Variants in ACTR3 observed in about 807,000 individuals in gnomAD.
ACTR3 encodes the protein actin-related protein 3.
In ACTR3, 12 loss-of-function variants were observed where a neutral mutation model predicts 56.8. The ratio of observed to expected loss-of-function variants is 0.21; its 90% confidence interval spans 0.14 to 0.34. ACTR3 has a LOEUF of 0.34. Among genes scored for constraint, ACTR3 ranks in the 10% least tolerant of loss-of-function variants. ACTR3 has a pLI of 1.00. For synonymous variants in ACTR3, 162 were observed against 167.4 expected, an observed-to-expected ratio of 0.97 and a Z score of 0.25; for missense variants, 282 against 512.5, an observed-to-expected ratio of 0.55 and a Z score of 4.34.
At chr2:113,901,323 A>C (rs933030516) in intron 1 of ACTR3, among the ~76,000 whole-genome samples, 4 of 152,234 alleles carry the variant, frequency 2.6e-5, no homozygotes, top group African/African-American at 9.6e-5. Flanking sequence ...GCGCTGTCGC[A>C]CTTCAGCCTG....
rs772589226 is a variant in ACTR3 at position 113,957,481 on chromosome 2, A to G, written c.*26A>G. 1 of 1,579,224 alleles carries G rather than the reference A, an allele frequency of 6.3e-7. No individual in the cohort carries two copies. The highest frequency in any genetic ancestry group is 8.7e-7 in the Non-Finnish European group (1 of 1,149,026). Reference sequence around the variant, plus strand: ...AATTGGCTTCATAGTTATTGGGGTTAGGGAGGTGGGGAAGAGATAATCTTT... The same window carrying G: ...AATTGGCTTCATAGTTATTGGGGTTGGGGAGGTGGGGAAGAGATAATCTTT... On this transcript the variant is annotated 3_prime_UTR_variant, in exon 12 of 12. Transcript: ENST00000263238.
At chr2:113,938,646 G>A (rs1243828509) in intron 6 of ACTR3, among the ~76,000 whole-genome samples, 1 of 152,148 alleles carries the variant, frequency 6.6e-6, no homozygotes, top group East Asian at 1.9e-4. Context: ...CTGGCTATGT[G>A]TGAGCTCTGG....
chr2:113,918,909 A>G (rs1458747795), intron 3 of ACTR3, among the ~76,000 whole-genome samples: 1 of 152,236 alleles, frequency 6.6e-6, no homozygotes, highest in African/African-American at 2.4e-5. Context: ...TAGTGACGGC[A>G]GTGGGGATAG....
intron 7 of ACTR3, among the ~76,000 whole-genome samples, chr2:113,941,700 A>G (rs1318039916): frequency 6.6e-6 from 1 of 152,154 alleles, no homozygotes; most frequent in African/African-American, 2.4e-5. Context: ...AGAGTAATTT[A>G]TATTTTTAGC....
At chr2:113,901,070 A>G (rs1457384141) in intron 1 of ACTR3, among the ~76,000 whole-genome samples, 1 of 152,248 alleles carries the variant, frequency 6.6e-6, no homozygotes, top group Non-Finnish European at 1.5e-5. Context: ...CTGTAATCCC[A>G]GCACTTTGGG....
upstream of ACTR3, chr2:113,890,035 A>AG: frequency 1.7e-6 from 1 of 571,942 alleles, no homozygotes; most frequent in Non-Finnish European, 3.1e-6. Context: ...AGGAGGGAAG[A>AG]GAGAGGGGGA....
intron 2 of ACTR3, among the ~76,000 whole-genome samples, chr2:113,913,915 T>C (rs1679354693): frequency 6.6e-6 from 1 of 152,230 alleles, no homozygotes; most frequent in African/African-American, 2.4e-5. Flanking sequence ...TTGCAAACAG[T>C]TCACGTTTTT....
At chr2:113,918,295 ATCAT>A (rs1466102798) in intron 3 of ACTR3, among the ~76,000 whole-genome samples, 2 of 152,044 alleles carry the variant, frequency 1.3e-5, no homozygotes, top group East Asian at 1.9e-4. Flanking sequence ...ACTTTGTGAT[ATCAT>A]TCAGTGACTT....
At chr2:113,946,555 G>GT (rs1276836813) in intron 8 of ACTR3, among the ~76,000 whole-genome samples, 1 of 152,054 alleles carries the variant, frequency 6.6e-6, no homozygotes, top group African/African-American at 2.4e-5. Flanking sequence ...TAATGGAGTT[G>GT]TTTTTTCCTT....
intron 1 of ACTR3, among the ~76,000 whole-genome samples, chr2:113,891,962 T>G (rs186640442): frequency 6.9e-4 from 105 of 152,360 alleles, no homozygotes; most frequent in African/African-American, 2.4e-3. Context: ...AAATTAGATT[T>G]GGCCTGAGTC....
At chr2:113,950,230 A>G (rs1680096601) in intron 8 of ACTR3, among the ~76,000 whole-genome samples, 1 of 152,248 alleles carries the variant, frequency 6.6e-6, no homozygotes, top group Admixed American at 6.5e-5. Flanking sequence ...ACATGTCTGA[A>G]CAAAGCTATC....
chr2:113,951,697 T>C (rs769027929), intron 9 of ACTR3, 23 bp from the exon 10 acceptor site: 5 of 1,531,076 alleles, frequency 3.3e-6, no homozygotes, highest in Non-Finnish European at 2.7e-6. Flanking sequence ...TTTTAAATAT[T>C]ATATTTATTT....
At chr2:113,912,067 T>G (rs1574358334) in intron 1 of ACTR3, among the ~76,000 whole-genome samples, 1 of 151,376 alleles carries the variant, frequency 6.6e-6, no homozygotes, top group Non-Finnish European at 1.5e-5. Flanking sequence ...GTAGCGAGGG[T>G]GTTTCACCGT....
intron 1 of ACTR3, among the ~76,000 whole-genome samples, chr2:113,891,425 T>A (rs1280911681): frequency 2.0e-5 from 3 of 152,148 alleles, no homozygotes; most frequent in Non-Finnish European, 4.4e-5. Context: ...AATAGACGTT[T>A]TAGAGAGTTG....
At position 113,938,043 on chromosome 2, in the gene ACTR3, CT is replaced by C. The variant is rs797020191; in HGVS notation, c.541-1908del. ...ACATTTATTTTTTTATAATCTTTTT[CT>C]TTTTTTTGGATAGTTTTTATTGCTC... On this transcript the variant is annotated intron_variant, in intron 6 of 11. Coordinates refer to ENST00000263238, the MANE Select transcript of ACTR3 (RefSeq NM_005721.5). 1.1e-4 allele frequency among the ~76,000 whole-genome samples: 16 copies of C among 151,584 alleles called. No individual in the cohort carries two copies. The South Asian group carries it at 2.1e-3, about 20-fold the overall frequency.
intron 8 of ACTR3, among the ~76,000 whole-genome samples, chr2:113,944,180 T>G (rs539885818): frequency 1.1e-3 from 171 of 152,274 alleles, no homozygotes; most frequent in Middle Eastern, 3.4e-3. Flanking sequence ...GAGTGATACG[T>G]TAGAGCAGCT....
chr2:113,907,976 CA>C (rs70937249), intron 1 of ACTR3, among the ~76,000 whole-genome samples: 7,806 of 69,056 alleles, frequency 0.11, 128 homozygotes, highest in East Asian at 0.15. Flanking sequence ...CTCTGTCCCC[CA>C]AAAAAAAAAA....
chr2:113,892,696 T>C (rs1678928237), intron 1 of ACTR3, among the ~76,000 whole-genome samples: 1 of 152,238 alleles, frequency 6.6e-6, no homozygotes, highest in African/African-American at 2.4e-5. Flanking sequence ...TGTCTAATTT[T>C]TTTTATGCTT....
intron 1 of ACTR3, among the ~76,000 whole-genome samples, chr2:113,895,170 A>T (rs2104578494): frequency 6.7e-6 from 1 of 149,400 alleles, no homozygotes; most frequent in African/African-American, 2.5e-5. Flanking sequence ...TTTCTCAGGA[A>T]ATAATAATAG....
Sources: allele counts gnomAD v4.1 joint callset (sites outside exome capture counted in the v4.1 genomes callset), GRCh38; gene constraint gnomAD v4.1.1; transcripts MANE v1.5; gene names NCBI Gene and HGNC (gene_info 2026-07-23, HGNC 2026-07-21).